Variants in RBFOX1 observed in about 807,000 individuals in gnomAD.
RBFOX1 encodes the protein RNA binding protein fox-1 homolog 1.
Under a neutral mutation model 57.7 loss-of-function variants are expected in RBFOX1, and 8 were observed. The observed-to-expected ratio is 0.14, with a 90% CI of 0.08 to 0.25. The LOEUF is 0.25. RBFOX1 is among the 10% of genes least tolerant of loss of function. RBFOX1 has a pLI of 1.00. For missense variants in RBFOX1, 611 were observed against 548.5 expected (o/e 1.11, Z -1.14); for synonymous variants, 326 against 222.4 (o/e 1.47, Z -4.15).
intron 3 of RBFOX1, among the ~76,000 whole-genome samples, chr16:6,770,552 C>T (rs1017917034): frequency 5.3e-5 from 8 of 151,988 alleles, no homozygotes; most frequent in African/African-American, 1.7e-4. Flanking sequence ...GGAAGATGTT[C>T]GTCAACCTAG....
At chr16:7,124,806 A>G (rs899886539) in intron 4 of RBFOX1, among the ~76,000 whole-genome samples, 2 of 152,066 alleles carry the variant, frequency 1.3e-5, no homozygotes, top group African/African-American at 2.4e-5. Context: ...CAGCCAGTGT[A>G]GAGACAGTCC....
At chr16:6,931,340 T>C (rs58545367) in intron 3 of RBFOX1, among the ~76,000 whole-genome samples, 15,093 of 106,238 alleles carry the variant, frequency 0.14, 861 homozygotes, top group East Asian at 0.29. Flanking sequence ...TATCTATCTC[T>C]ACACACACAC....
chr16:6,025,006 T>G (rs1032404203), intron 1 of RBFOX1, among the ~76,000 whole-genome samples: 1 of 152,142 alleles, frequency 6.6e-6, no homozygotes, highest in Non-Finnish European at 1.5e-5. Context: ...AATCATACAG[T>G]TGAAGGTTGG....
Position 5,735,888 on chromosome 16 carries a change from AAACAAC to A in RBFOX1, c.319-131397_319-131392del, listed in dbSNP as rs536560221. Among the ~76,000 whole-genome samples the A allele has an allele frequency of 5.3e-5, 8 of 152,056 alleles. No individual in the cohort carries two copies. The South Asian group carries it at 1.0e-3, about 20-fold the overall frequency. On this transcript the variant is annotated intron_variant, in intron 3 of 19. Transcript: ENST00000641259. ...AAGACTCTGTCTCAAAAAACAAATA[AAACAAC>A]AACAACAACAACAACAAAACAAATA...
At chr16:7,564,281 T>G (rs141431655) in intron 5 of RBFOX1, among the ~76,000 whole-genome samples, 1 of 152,092 alleles carries the variant, frequency 6.6e-6, no homozygotes, top group African/African-American at 2.4e-5. Context: ...GGCTCACCCC[T>G]GTAATCCCAG....
intron 1 of RBFOX1, among the ~76,000 whole-genome samples, chr16:5,389,366 T>C (rs1245036626): frequency 2.0e-5 from 3 of 152,184 alleles, no homozygotes; most frequent in South Asian, 2.1e-4. Context: ...TGGATCATTC[T>C]GTTGTGGGGG....
chr16:7,480,839 A>G (rs1190619881), intron 4 of RBFOX1, among the ~76,000 whole-genome samples: 1 of 152,186 alleles, frequency 6.6e-6, no homozygotes, highest in African/African-American at 2.4e-5. Context: ...CTGGGAATTG[A>G]AACAGCCTCT....
intron 2 of RBFOX1, among the ~76,000 whole-genome samples, chr16:6,561,480 T>TA (rs2097178536): frequency 6.6e-6 from 1 of 152,222 alleles, no homozygotes; most frequent in Non-Finnish European, 1.5e-5. Flanking sequence ...TCCCTGTTGT[T>TA]AGTCTATCAG....
chr16:6,506,601 G>A (rs1345140176), intron 2 of RBFOX1, among the ~76,000 whole-genome samples: 9 of 143,722 alleles, frequency 6.3e-5, no homozygotes, highest in East Asian at 2.1e-4. Context: ...CAGTATAAAC[G>A]GTAATAACAA....
At chr16:5,450,462 G>A (rs1352965877) in intron 1 of RBFOX1, among the ~76,000 whole-genome samples, 3 of 152,120 alleles carry the variant, frequency 2.0e-5, no homozygotes, top group African/African-American at 7.2e-5. Flanking sequence ...TCTCATGCTC[G>A]AACCCTGCTG....
chr16:6,052,490 A>T (rs888011054), intron 1 of RBFOX1, among the ~76,000 whole-genome samples: 1 of 152,152 alleles, frequency 6.6e-6, no homozygotes. Context: ...GAACATAATT[A>T]TAATAATGCC....
intron 4 of RBFOX1, among the ~76,000 whole-genome samples, chr16:7,072,355 T>C (rs1185574377): frequency 6.6e-6 from 1 of 152,208 alleles, no homozygotes; most frequent in African/African-American, 2.4e-5. Flanking sequence ...CAATCTGTTA[T>C]TCCCTCGTTT....
intron 4 of RBFOX1, among the ~76,000 whole-genome samples, chr16:7,156,692 C>A (rs950419123): frequency 2.6e-5 from 4 of 151,892 alleles, no homozygotes; most frequent in Non-Finnish European, 5.9e-5. Flanking sequence ...TATAGTATTC[C>A]CTTCTATGAG....
chr16:6,169,191 C>T (rs1168868169), intron 1 of RBFOX1, among the ~76,000 whole-genome samples: 2 of 152,144 alleles, frequency 1.3e-5, no homozygotes, highest in African/African-American at 2.4e-5. Flanking sequence ...TGACCTTTAG[C>T]TCTAGGGTCA....
intron 4 of RBFOX1, among the ~76,000 whole-genome samples, chr16:5,983,260 T>C (rs1269078300): frequency 2.0e-5 from 3 of 152,138 alleles, no homozygotes; most frequent in African/African-American, 4.8e-5. Flanking sequence ...CGCCACTGAA[T>C]TGGGTAATTA....
At chr16:6,538,349 G>C (rs1452761525) in intron 2 of RBFOX1, among the ~76,000 whole-genome samples, 1 of 152,120 alleles carries the variant, frequency 6.6e-6, no homozygotes, top group South Asian at 2.1e-4. Flanking sequence ...TAAATTAGCT[G>C]AGTGTGGTGG....
rs533972562 is a variant in RBFOX1 at position 7,269,935 on chromosome 16, A to G, written c.27+217837A>G. The stretch of plus-strand genomic sequence containing the variant: ...TACCAACATTATTTGGTATTATTAC[A>G]TACTTTATTAATTTGATAGGTAAAA... On this transcript the variant is annotated intron_variant, in intron 4 of 15. Coordinates refer to ENST00000550418, the MANE Select transcript of RBFOX1 (RefSeq NM_018723.4). 3.3e-5 allele frequency among the ~76,000 whole-genome samples: 5 copies of G among 152,342 alleles called. No homozygotes were observed. In the South Asian group the frequency reaches 8.3e-4, roughly 25 times the overall value.
chr16:6,443,913 C>T (rs900511069), intron 2 of RBFOX1, among the ~76,000 whole-genome samples: 1 of 152,090 alleles, frequency 6.6e-6, no homozygotes, highest in African/African-American at 2.4e-5. Flanking sequence ...ATTGAATCCC[C>T]ATTTATGTTC....
chr16:5,466,948 A>G (rs1400012164), intron 1 of RBFOX1, among the ~76,000 whole-genome samples: 1 of 152,152 alleles, frequency 6.6e-6, no homozygotes, highest in Admixed American at 6.5e-5. Context: ...TATTATTAAT[A>G]GTTATTGGTT....
Sources: allele counts gnomAD v4.1 joint callset (sites outside exome capture counted in the v4.1 genomes callset), GRCh38; gene constraint gnomAD v4.1.1; transcripts MANE v1.5; gene names NCBI Gene and HGNC (gene_info 2026-07-23, HGNC 2026-07-21).